CSMD1: variants seen among roughly 807,000 people sequenced by gnomAD.
CSMD1 encodes the protein CUB and sushi domain-containing protein 1.
CSMD1 carries 213 observed loss-of-function variants against 417.5 expected under a neutral mutation model. That is an observed-to-expected ratio of 0.51 (90% confidence interval 0.46 to 0.57). The LOEUF is 0.57. Ranked by LOEUF, CSMD1 falls within the 20% of genes least tolerant of loss-of-function variation. CSMD1 has a pLI of 0.00. For synonymous variants in CSMD1, 2,862 were observed against 1,736.8 expected, an observed-to-expected ratio of 1.65 and a Z score of -16.11; for missense variants, 6,923 against 4,529.7, an observed-to-expected ratio of 1.53 and a Z score of -15.17.
intron 39 of CSMD1, among the ~76,000 whole-genome samples, chr8:3,155,958 A>G (rs1464173706): frequency 1.3e-5 from 2 of 152,202 alleles, no homozygotes. Context: ...TAAATTGTGT[A>G]TTACTAAAAA....
chr8:4,063,168 G>T (rs1246023673), intron 3 of CSMD1, among the ~76,000 whole-genome samples: 1 of 152,096 alleles, frequency 6.6e-6, no homozygotes, highest in Non-Finnish European at 1.5e-5. Context: ...AATGATAAAT[G>T]TTGACAGTAA....
At chr8:3,282,404 A>G (rs1043004629) in intron 26 of CSMD1, among the ~76,000 whole-genome samples, 5 of 152,350 alleles carry the variant, frequency 3.3e-5, no homozygotes, top group African/African-American at 7.2e-5. Flanking sequence ...TGCCTGGAGA[A>G]TACAGAATGG....
rs369151841 is a variant in CSMD1 at position 4,147,452 on chromosome 8, G to A, written c.416-115353C>T. 4.6e-5 allele frequency among the ~76,000 whole-genome samples: 7 copies of A among 152,008 alleles called. No individual in the cohort carries two copies. In the East Asian group the frequency reaches 7.8e-4, roughly 17 times the overall value. ...CCACCTACCTTCTGGAAAGTCCCAC[G>A]CCTCATTTCAATACCCTACATGATT... On this transcript the variant is annotated intron_variant, in intron 3 of 69. Transcript: ENST00000635120.
chr8:3,175,061 A>G (rs1037467000), intron 37 of CSMD1, among the ~76,000 whole-genome samples: 4 of 152,166 alleles, frequency 2.6e-5, no homozygotes, highest in African/African-American at 9.7e-5. Flanking sequence ...CTATATCACA[A>G]AATTATCTAC....
chr8:3,119,158 C>T (rs1041987069), intron 41 of CSMD1, among the ~76,000 whole-genome samples: 18 of 151,516 alleles, frequency 1.2e-4, no homozygotes, highest in Admixed American at 2.0e-4. Flanking sequence ...CCAGCCCGGG[C>T]GACAGAGCAA....
chr8:3,304,997 C>A (rs565254246), intron 25 of CSMD1, among the ~76,000 whole-genome samples: 1 of 152,100 alleles, frequency 6.6e-6, no homozygotes, highest in Non-Finnish European at 1.5e-5. Flanking sequence ...TTTTACATTA[C>A]TCAAATCTAG....
rs1023441148 is a variant in CSMD1 at position 3,522,127 on chromosome 8, T to G, written c.1345-28401A>C. ...TTTTTAACCCTCAATTCTGTATTCT[T>G]TAAACTACCACTCTGACTGCAAAGT... On this transcript the variant is annotated intron_variant, in intron 10 of 69. Transcript: ENST00000635120. Among the ~76,000 whole-genome samples the G allele has an allele frequency of 2.6e-5, 4 of 152,240 alleles. No homozygotes were observed. The East Asian group carries it at 7.7e-4, about 29-fold the overall frequency.
intron 1 of CSMD1, among the ~76,000 whole-genome samples, chr8:4,962,321 C>A (rs1317136747): frequency 1.3e-5 from 2 of 151,956 alleles, no homozygotes; most frequent in Non-Finnish European, 2.9e-5. Flanking sequence ...AAAGAGCTTC[C>A]CATCTTTGCC....
chr8:4,207,330 G>A (rs189370610), intron 3 of CSMD1, among the ~76,000 whole-genome samples: 5 of 152,066 alleles, frequency 3.3e-5, no homozygotes, highest in Non-Finnish European at 7.4e-5. Context: ...GCTAGGACTC[G>A]TAATTATCTG....
intron 3 of CSMD1, among the ~76,000 whole-genome samples, chr8:4,065,969 G>C (rs368881516): frequency 7.9e-5 from 12 of 152,160 alleles, no homozygotes; most frequent in East Asian, 7.7e-4. Flanking sequence ...CGTCCAATTT[G>C]GGTGAAAAAT....
At chr8:4,388,368 C>A (rs1423572629) in intron 3 of CSMD1, among the ~76,000 whole-genome samples, 2 of 151,442 alleles carry the variant, frequency 1.3e-5, no homozygotes, top group African/African-American at 4.9e-5. Context: ...GACTGCTACT[C>A]AGCCATAAAA....
chr8:4,749,135 T>C (rs183447782), intron 1 of CSMD1, among the ~76,000 whole-genome samples: 4 of 152,348 alleles, frequency 2.6e-5, no homozygotes, highest in Admixed American at 2.0e-4. Flanking sequence ...ACATCTAATA[T>C]TGTCATGAGT....
At position 4,874,481 on chromosome 8, in the gene CSMD1, C is replaced by G. The variant is rs865833969; in HGVS notation, c.85+119851G>C. On this transcript the variant is annotated intron_variant, in intron 1 of 69. Coordinates refer to ENST00000635120, the MANE Select transcript of CSMD1 (RefSeq NM_033225.6). ...CTCGACTCACTGCAATCTCTGCCTC[C>G]CAGGTTCAAGCAGTTCTCCTGCCTC... is the stretch of plus-strand genomic sequence containing the variant. 6.8e-4 allele frequency among the ~76,000 whole-genome samples: 102 copies of G among 149,996 alleles called. 1 individual carries two copies. Among genetic ancestry groups the G allele is most frequent in the African/African-American group, 2.4e-3 (96 of 40,704 alleles).
chr8:4,742,055 G>C (rs990659565), intron 1 of CSMD1, among the ~76,000 whole-genome samples: 3 of 91,194 alleles, frequency 3.3e-5, no homozygotes, highest in African/African-American at 8.6e-5. Flanking sequence ...TTTTGAGACG[G>C]AGTCTCTCTC....
intron 2 of CSMD1, among the ~76,000 whole-genome samples, chr8:4,594,388 C>G (rs537472743): frequency 2.0e-5 from 3 of 151,664 alleles, no homozygotes; most frequent in African/African-American, 7.3e-5. Context: ...TTAGTAGAGA[C>G]AGGATTTCAC....
intron 26 of CSMD1, among the ~76,000 whole-genome samples, chr8:3,250,127 A>G (rs11136592): frequency 0.31 from 47,768 of 152,140 alleles, 7,877 homozygotes; most frequent in Admixed American, 0.38. Context: ...TTACATATAT[A>G]TACATGTGCC....
intron 52 of CSMD1, among the ~76,000 whole-genome samples, chr8:3,016,374 C>T (rs1243294750): frequency 6.6e-6 from 1 of 152,126 alleles, no homozygotes; most frequent in Admixed American, 6.5e-5. Context: ...CCCTATTTTC[C>T]TCTGAGTCTC....
intron 7 of CSMD1, among the ~76,000 whole-genome samples, chr8:3,621,634 C>G (rs576017722): frequency 4.6e-5 from 7 of 151,624 alleles, no homozygotes; most frequent in Non-Finnish European, 1.0e-4. Flanking sequence ...GTTCTGTTGC[C>G]CAGGCTGCAG....
chr8:4,384,542 G>A (rs947966087), intron 3 of CSMD1, among the ~76,000 whole-genome samples: 1 of 152,134 alleles, frequency 6.6e-6, no homozygotes, highest in Non-Finnish European at 1.5e-5. Flanking sequence ...ACTTTATGAA[G>A]TCCTACCCCT....
Sources: gnomAD v4.1 joint callset for allele counts (sites outside exome capture counted in the v4.1 genomes callset) on GRCh38, gnomAD v4.1.1 for gene constraint, MANE v1.5 for transcripts, NCBI Gene and HGNC (gene_info 2026-07-23, HGNC 2026-07-21) for gene names.